The following TESK2 variants were observed in gnomAD, a reference collection of about 807,000 sequenced individuals.
TESK2 encodes dual specificity testis-specific protein kinase 2.
Under a neutral mutation model 57.1 loss-of-function variants are expected in TESK2, and 39 were observed. The ratio of observed to expected loss-of-function variants is 0.68; its 90% confidence interval spans 0.53 to 0.89. The LOEUF (loss-of-function observed/expected upper bound fraction) is 0.89, where lower values mean the gene tolerates loss of function less well. Among genes scored for constraint, TESK2 ranks in the 40% least tolerant of loss-of-function variants. TESK2 has a pLI of 0.00. For missense variants in TESK2, 646 were observed against 732.1 expected, an observed-to-expected ratio of 0.88 and a Z score of 1.36; for synonymous variants, 249 against 267.9, an observed-to-expected ratio of 0.93 and a Z score of 0.69.
intron 4 of TESK2, among the ~76,000 whole-genome samples, chr1:45,378,307 G>A (rs913844348): frequency 6.6e-6 from 1 of 152,172 alleles, no homozygotes; most frequent in African/African-American, 2.4e-5. Context: ...GTGAACTAAA[G>A]ATGGTCATTG....
intron 4 of TESK2, among the ~76,000 whole-genome samples, chr1:45,361,199 G>A (rs1472526911): frequency 1.3e-5 from 2 of 152,164 alleles, no homozygotes. Context: ...GACTCAGCTG[G>A]TGTGGCCTCT....
chr1:45,393,107 T>C (rs995078815), intron 3 of TESK2, among the ~76,000 whole-genome samples: 1 of 152,174 alleles, frequency 6.6e-6, no homozygotes, highest in Non-Finnish European at 1.5e-5. Flanking sequence ...AAACAATGGC[T>C]ACATTTTAAA....
At position 45,491,017 on chromosome 1, in the gene TESK2, A is replaced by G. The variant is rs1653696892; in HGVS notation, c.-252T>C. On this transcript the variant is annotated 5_prime_UTR_variant, in exon 1 of 11. Coordinates refer to ENST00000372086, the MANE Select transcript of TESK2 (RefSeq NM_007170.3). ...CAGAAGCCGGCGACTCAGCTAGGCT[A>G]GCGGCGGCGGCGAACGAGGAGACTA... is the stretch of plus-strand genomic sequence containing the variant. 3 of 152,284 alleles carry G rather than the reference A, an allele frequency of 2.0e-5. No homozygotes were observed. The highest frequency in any genetic ancestry group is 2.0e-4 in the Admixed American group (3 of 15,286). The allele number at this position is 152,284 out of a possible 1,614,324, so 9.4% of individuals were successfully genotyped here. A position where few individuals can be genotyped will look rare whatever the true frequency, so the allele number is the denominator to read the frequency against.
chr1:45,355,155 G>T, intron 5 of TESK2, 148 bp downstream of exon 5: 1 of 1,061,066 alleles, frequency 9.4e-7, no homozygotes, highest in Non-Finnish European at 1.3e-6. Flanking sequence ...CTCAAAAACA[G>T]AAGGAAAAGA....
At chr1:45,394,323 C>CTTT (rs35459050) in intron 3 of TESK2, among the ~76,000 whole-genome samples, 21 of 115,118 alleles carry the variant, frequency 1.8e-4, no homozygotes, top group South Asian at 2.7e-4. Context: ...CCACAGCTGG[C>CTTT]TTTTTTTTTT....
intron 3 of TESK2, chr1:45,415,027 C>A: frequency 1.9e-6 from 2 of 1,063,500 alleles, no homozygotes; most frequent in South Asian, 2.6e-5. Flanking sequence ...CAGCCATGGT[C>A]AACCCCACCA....
At chr1:45,461,776 G>C (rs1652342356) in intron 1 of TESK2, among the ~76,000 whole-genome samples, 1 of 152,044 alleles carries the variant, frequency 6.6e-6, no homozygotes, top group African/African-American at 2.4e-5. Flanking sequence ...TCATTTTTGA[G>C]ATATAAACTC....
intron 4 of TESK2, among the ~76,000 whole-genome samples, chr1:45,384,314 G>T (rs1387715477): frequency 6.7e-6 from 1 of 149,366 alleles, no homozygotes. Context: ...CTATCGACAG[G>T]GTCTCACTCT....
intron 2 of TESK2, among the ~76,000 whole-genome samples, chr1:45,433,653 T>A (rs1228969663): frequency 6.6e-6 from 1 of 152,220 alleles, no homozygotes; most frequent in Non-Finnish European, 1.5e-5. Flanking sequence ...CCATTTTTTA[T>A]ATATACCACA....
chr1:45,379,379 G>T (rs1350006068), intron 4 of TESK2, among the ~76,000 whole-genome samples: 1 of 152,122 alleles, frequency 6.6e-6, no homozygotes, highest in Non-Finnish European at 1.5e-5. Context: ...GCCTAGGCTG[G>T]TCTTGAACGC....
At chr1:45,385,133 G>C (rs1166625572) in intron 4 of TESK2, among the ~76,000 whole-genome samples, 2 of 152,158 alleles carry the variant, frequency 1.3e-5, no homozygotes, top group Non-Finnish European at 2.9e-5. Context: ...AAAGAATCTA[G>C]AACATAGATT....
At chr1:45,352,057 C>T (rs941867974) in intron 5 of TESK2, among the ~76,000 whole-genome samples, 1 of 152,202 alleles carries the variant, frequency 6.6e-6, no homozygotes, top group Non-Finnish European at 1.5e-5. Context: ...CCTCCGAGCC[C>T]TCTACTGTCC....
intron 3 of TESK2, among the ~76,000 whole-genome samples, chr1:45,420,115 G>A (rs1259501334): frequency 6.6e-6 from 1 of 152,084 alleles, no homozygotes; most frequent in Non-Finnish European, 1.5e-5. Flanking sequence ...AATATACATT[G>A]AATTAAATTG....
Position 45,368,056 on chromosome 1 carries a change from G to A in TESK2, c.394-12607C>T, listed in dbSNP as rs182411928. Among the ~76,000 whole-genome samples, 812 of 148,914 alleles carry A rather than the reference G, an allele frequency of 5.5e-3. 5 individuals are homozygous for A. The highest frequency in any genetic ancestry group is 0.017 in the African/African-American group (671 of 40,322). The stretch of plus-strand genomic sequence containing the variant: ...GTTGCCCAGGCTGGAGTGCAATGGC[G>A]CGATCTTGGCTCACTGCAACCTCCG... On this transcript the variant is annotated intron_variant, in intron 4 of 10. Transcript: ENST00000372086.
chr1:45,392,593 C>T (rs1194737502), intron 3 of TESK2, among the ~76,000 whole-genome samples: 1 of 151,624 alleles, frequency 6.6e-6, no homozygotes, highest in Admixed American at 6.6e-5. Context: ...CCCAGATACT[C>T]GGGAGGCTGA....
intron 1 of TESK2, among the ~76,000 whole-genome samples, chr1:45,477,019 C>T (rs1404868712): frequency 1.4e-5 from 2 of 140,424 alleles, no homozygotes; most frequent in Non-Finnish European, 3.0e-5. Flanking sequence ...CTAGATTGGT[C>T]TTGAATTCCT....
At chr1:45,378,624 C>T (rs1292201239) in intron 4 of TESK2, among the ~76,000 whole-genome samples, 1 of 152,160 alleles carries the variant, frequency 6.6e-6, no homozygotes, top group Non-Finnish European at 1.5e-5. Flanking sequence ...ATCAAAGATC[C>T]AGGAAAGCCC....
At chr1:45,400,473 G>A (rs1649553674) in intron 3 of TESK2, among the ~76,000 whole-genome samples, 1 of 152,186 alleles carries the variant, frequency 6.6e-6, no homozygotes, top group Non-Finnish European at 1.5e-5. Context: ...GATAGCCACA[G>A]AAAACTAATA....
intron 3 of TESK2, among the ~76,000 whole-genome samples, chr1:45,407,676 T>A (rs1051543000): frequency 6.6e-6 from 1 of 152,220 alleles, no homozygotes; most frequent in Non-Finnish European, 1.5e-5. Context: ...GCACATGTTC[T>A]CTTGCCTGCA....
Sources: gnomAD v4.1 joint callset for allele counts (sites outside exome capture counted in the v4.1 genomes callset) on GRCh38, gnomAD v4.1.1 for gene constraint, MANE v1.5 for transcripts, NCBI Gene and HGNC (gene_info 2026-07-23, HGNC 2026-07-21) for gene names.